The following TCP10L variants were observed in gnomAD, a reference collection of about 807,000 sequenced individuals.
The protein encoded by TCP10L is T-complex protein 10A homolog 1.
In TCP10L, 11 loss-of-function variants were observed where a neutral mutation model predicts 19.2. The observed-to-expected ratio is 0.57, with a 90% CI of 0.36 to 0.95. The LOEUF (loss-of-function observed/expected upper bound fraction) is 0.95, where lower values mean the gene tolerates loss of function less well. Ranked by LOEUF, TCP10L falls within the 40% of genes least tolerant of loss-of-function variation. The pLI is 0.01. For synonymous variants in TCP10L, 96 were observed against 97.2 expected, an observed-to-expected ratio of 0.99 and a Z score of 0.07; for missense variants, 247 against 263.9, an observed-to-expected ratio of 0.94 and a Z score of 0.44.
At chr21:32,581,366 T>C (rs755370283) in intron 3 of TCP10L, among the ~76,000 whole-genome samples, 15 of 152,198 alleles carry the variant, frequency 9.9e-5, no homozygotes, top group Non-Finnish European at 2.1e-4. Flanking sequence ...ATGTGTGATC[T>C]GATTTTTCAG....
At position 32,573,894 on chromosome 21, in the gene TCP10L, A is replaced by C. The variant is rs2146519613; in HGVS notation, c.*2880T>G. ...TGCCATGACTGTGGCACTGTTTCTAAATGCAGATCATTAGCCCTGAGGCTT... is the reference window on the plus strand; with the variant it reads ...TGCCATGACTGTGGCACTGTTTCTACATGCAGATCATTAGCCCTGAGGCTT... On this transcript the variant is annotated 3_prime_UTR_variant, in exon 5 of 5. Coordinates refer to ENST00000300258, the MANE Select transcript of TCP10L (RefSeq NM_144659.7). 6.6e-6 allele frequency among the ~76,000 whole-genome samples: 1 copy of C among 152,238 alleles called. No homozygotes were observed. The highest frequency in any genetic ancestry group is 1.5e-5 in the Non-Finnish European group (1 of 68,008).
Position 32,582,248 on chromosome 21 carries a change from C to T in TCP10L, c.312G>A (p.Arg104=). The change falls in exon 3 of 5, where the codon AGG becomes AGA. Residue 104 remains arginine (R), a synonymous_variant. Transcript: ENST00000300258. This position sits in a 1 kb window ranked among gnomAD's most constrained non-coding sequence, Gnocchi z 4.2. The part of the protein sequence containing the change: ...RALQLQRWKA[R]KKSAASPHAG... ...CGTGTGGGGACGCTGCAGATTTCTTCCTGGCTTTCCACCGCTGCAGCTGCA... is the reference window on the plus strand; with the variant it reads ...CGTGTGGGGACGCTGCAGATTTCTTTCTGGCTTTCCACCGCTGCAGCTGCA... 2 of 1,614,186 alleles carry T rather than the reference C, an allele frequency of 1.2e-6. No homozygotes were observed. Among genetic ancestry groups the T allele is most frequent in the Non-Finnish European group, 8.5e-7 (1 of 1,180,030 alleles).
intron 3 of TCP10L, among the ~76,000 whole-genome samples, chr21:32,581,046 G>A (rs952203178): frequency 6.6e-6 from 1 of 152,182 alleles, no homozygotes; most frequent in Admixed American, 6.5e-5. Context: ...CAAGACCACC[G>A]TGGCCTGCCA....
In TCP10L at chr21:32,582,356, CCA is replaced by C. The variant is rs2038505298; in HGVS notation, c.202_203del (p.Trp68GlyfsTer2). On this transcript the variant is annotated frameshift_variant, in exon 3 of 5. Coordinates refer to ENST00000300258, the MANE Select transcript of TCP10L (RefSeq NM_144659.7). LOFTEE classifies it high-confidence loss of function. The surrounding 1 kb of genome is among the most constrained non-coding windows in gnomAD (Gnocchi z 4.2). ...HQELGRQKSL[W>X]ADVHGKLRSH... ...TCCGGAGTTTTCCATGAACATCAGC[CCA>C]CAGAGACTTCTGTCTCCCAAGCTCT... is the stretch of plus-strand genomic sequence containing the variant. 1 of 1,613,838 alleles carries C rather than the reference CCA, an allele frequency of 6.2e-7. No homozygotes were observed. Among genetic ancestry groups the C allele is most frequent in the Non-Finnish European group, 8.5e-7 (1 of 1,180,012 alleles).
chr21:32,578,923 GA>G lies in TCP10L; in HGVS notation c.361-93del, dbSNP rs1386369254. The G allele has an allele frequency of 6.6e-5, 104 of 1,584,252 alleles. No homozygotes were observed. Among genetic ancestry groups the G allele is most frequent in the Non-Finnish European group, 8.8e-5 (103 of 1,165,590 alleles). ...AATGAAGAATAATTGGAATGTCCTA[GA>G]AAAAAATAGGGTACAAGGTAGGGGG... On this transcript the variant is annotated intron_variant, in intron 3 of 4. Transcript: ENST00000300258. The surrounding 1 kb of genome is among the most constrained non-coding windows in gnomAD (Gnocchi z 4.2).
chr21:32,574,492 C>T lies in TCP10L; in HGVS notation c.*2282G>A, dbSNP rs1284657566. The T allele has an allele frequency of 6.0e-6, 1 of 166,192 alleles. No homozygotes were observed. Among genetic ancestry groups the T allele is most frequent in the Non-Finnish European group, 1.5e-5 (1 of 68,116 alleles). 10.3% of individuals were successfully genotyped at this position (166,192 alleles called of 1,614,324 possible). Reference sequence around the variant, plus strand: ...TGACACCCACTCCGAATCTCACTTCCCCAGGATGAAAAGGTGAGCTTCTCA... The same window carrying T: ...TGACACCCACTCCGAATCTCACTTCTCCAGGATGAAAAGGTGAGCTTCTCA... On this transcript the variant is annotated 3_prime_UTR_variant, in exon 5 of 5. Transcript: ENST00000300258.
At chr21:32,577,069 G>A in intron 4 of TCP10L, 146 bp from the exon 5 acceptor site, 1 of 821,568 alleles carries the variant, frequency 1.2e-6, no homozygotes, top group South Asian at 2.1e-5. Flanking sequence ...TCCACACTTA[G>A]TGTCTCTCAT....
Position 32,578,514 on chromosome 21 carries a change from G to A in TCP10L, c.498+180C>T, listed in dbSNP as rs1261404808. Among the ~76,000 whole-genome samples, 1 of 152,236 alleles carries A rather than the reference G, an allele frequency of 6.6e-6. No individual in the cohort carries two copies. The highest frequency in any genetic ancestry group is 6.5e-5 in the Admixed American group (1 of 15,284). ...TGGAATCTGCTCCACAGCAAGAAGT[G>A]CTAAGGGTTAGGATCTTGTTTGAAA... On this transcript the variant is annotated intron_variant, in intron 4 of 4. Transcript: ENST00000300258. This position sits in a 1 kb window ranked among gnomAD's most constrained non-coding sequence, Gnocchi z 4.2.
chr21:32,583,732 G>A lies in TCP10L; in HGVS notation c.144+429C>T, dbSNP rs541425561. On this transcript the variant is annotated intron_variant, in intron 2 of 4. Transcript: ENST00000300258. Reference sequence around the variant, plus strand: ...TAAGTGGGATCGTGATAAAGGTACAGTCCTGCACTGGGTGGCCCTGGCCAC... The same window carrying A: ...TAAGTGGGATCGTGATAAAGGTACAATCCTGCACTGGGTGGCCCTGGCCAC... Among the ~76,000 whole-genome samples the A allele has an allele frequency of 3.5e-4, 53 of 152,298 alleles. No individual in the cohort carries two copies. The South Asian group carries it at 0.011, about 32-fold the overall frequency.
At position 32,584,954 on chromosome 21, in the gene TCP10L, T is replaced by C. The variant is rs927199160; in HGVS notation, c.-2+467A>G. 2.6e-5 allele frequency among the ~76,000 whole-genome samples: 4 copies of C among 152,054 alleles called. No individual in the cohort carries two copies. In the East Asian group the frequency reaches 7.7e-4, roughly 29 times the overall value. ...CCAGTTCTAGGAAGTTCACAGCAAT[T>C]AGAGAACAAAAACGAAAGAGAAAAA... On this transcript the variant is annotated intron_variant, in intron 1 of 4. Transcript: ENST00000300258.
Position 32,582,098 on chromosome 21 carries a change from G to T in TCP10L, c.360+102C>A. On this transcript the variant is annotated intron_variant, in intron 3 of 4. Transcript: ENST00000300258. The surrounding 1 kb of genome is among the most constrained non-coding windows in gnomAD (Gnocchi z 4.2). ...AGCAACCCCTCCCACCACCCGGAGC[G>T]TGAGTGATACCGCGTCATTCAGCAA... The T allele has an allele frequency of 7.5e-7, 1 of 1,333,200 alleles. No individual in the cohort carries two copies. The highest frequency in any genetic ancestry group is 1.0e-6 in the Non-Finnish European group (1 of 956,772). The allele number at this position is 1,333,200 out of a possible 1,614,324, so 82.6% of individuals were successfully genotyped here.
At chr21:32,580,137 G>C (rs1601123884) in intron 3 of TCP10L, among the ~76,000 whole-genome samples, 1 of 152,030 alleles carries the variant, frequency 6.6e-6, no homozygotes, top group East Asian at 1.9e-4. Flanking sequence ...ACGGAGTCTT[G>C]CTCTGTCCCC....
chr21:32,581,639 C>T (rs1279616196), intron 3 of TCP10L, among the ~76,000 whole-genome samples: 1 of 152,138 alleles, frequency 6.6e-6, no homozygotes, highest in African/African-American at 2.4e-5. Flanking sequence ...AGCCACACCC[C>T]CATCGCACAC....
At chr21:32,577,632 G>C (rs1490631749) in intron 4 of TCP10L, 1 of 152,230 alleles carries the variant, frequency 6.6e-6, no homozygotes, top group African/African-American at 2.4e-5. Flanking sequence ...CACAAAGCTG[G>C]GACAGGAAGA....
rs1190079324 is a variant in TCP10L at position 32,578,056 on chromosome 21, C to T, written c.498+638G>A. Among the ~76,000 whole-genome samples the T allele has an allele frequency of 6.6e-6, 1 of 152,212 alleles. No individual in the cohort carries two copies. ...AAGAACGCCTTTAAGCGGTTTTCCA[C>T]CCTGGGTGGGCCAGGTGTTCCTTGC... On this transcript the variant is annotated intron_variant, in intron 4 of 4. Coordinates refer to ENST00000300258, the MANE Select transcript of TCP10L (RefSeq NM_144659.7). The surrounding 1 kb of genome is among the most constrained non-coding windows in gnomAD (Gnocchi z 4.2).
rs573019450 is a variant in TCP10L, at chr21:32,573,867, C to A, written c.*2907G>T. Among the ~76,000 whole-genome samples, 5 of 152,242 alleles carry A rather than the reference C, an allele frequency of 3.3e-5. No homozygotes were observed. Among genetic ancestry groups the A allele is most frequent in the African/African-American group, 9.6e-5 (4 of 41,554 alleles). ...ACATACAAATAACATACAAATAACA[C>A]CTGCCATGACTGTGGCACTGTTTCT... On this transcript the variant is annotated 3_prime_UTR_variant, in exon 5 of 5. Coordinates refer to ENST00000300258, the MANE Select transcript of TCP10L (RefSeq NM_144659.7).
At chr21:32,579,447 C>T (rs73359281) in intron 3 of TCP10L, among the ~76,000 whole-genome samples, 40 of 152,234 alleles carry the variant, frequency 2.6e-4, no homozygotes, top group African/African-American at 9.2e-4. Context: ...TGTGGGTGCT[C>T]GAGTCTCAGC....
intron 2 of TCP10L, among the ~76,000 whole-genome samples, chr21:32,583,512 C>A (rs1231911285): frequency 1.3e-5 from 2 of 149,224 alleles, no homozygotes; most frequent in East Asian, 4.0e-4. Context: ...TGGCGTGAAC[C>A]CGGGAGGCGG....
chr21:32,576,583 G>A lies in TCP10L; in HGVS notation c.*191C>T, dbSNP rs1879756459. 7 of 670,338 alleles carry A rather than the reference G, an allele frequency of 1.0e-5. No individual in the cohort carries two copies. The Admixed American group carries it at 1.9e-4, about 18-fold the overall frequency. The allele number at this position is 670,338 out of a possible 1,614,324, so 41.5% of individuals were successfully genotyped here. On this transcript the variant is annotated 3_prime_UTR_variant, in exon 5 of 5. Coordinates refer to ENST00000300258, the MANE Select transcript of TCP10L (RefSeq NM_144659.7). ...CCAATCCAAGTTGTTTGCTTTTATA[G>A]CATTAGAGACATGTCTGAAGAACTT... is the stretch of plus-strand genomic sequence containing the variant.
Sources: allele counts gnomAD v4.1 joint callset (sites outside exome capture counted in the v4.1 genomes callset), GRCh38; gene constraint gnomAD v4.1.1; non-coding constraint Gnocchi (gnomAD v3.1); transcripts MANE v1.5; gene names NCBI Gene and HGNC (gene_info 2026-07-23, HGNC 2026-07-21).